Variants in ANKS1B observed in about 807,000 individuals in gnomAD.
ANKS1B encodes the protein ankyrin repeat and sterile alpha motif domain-containing protein 1B.
In ANKS1B, 36 loss-of-function variants were observed where a neutral mutation model predicts 148.3. The ratio of observed to expected loss-of-function variants is 0.24; its 90% CI spans 0.19 to 0.32. The LOEUF is 0.32. Among genes scored for constraint, ANKS1B ranks in the 10% least tolerant of loss-of-function variants. The pLI is 1.00. For missense variants in ANKS1B, 1,157 were observed against 1,542.6 expected (o/e 0.75, Z 4.19); for synonymous variants, 542 against 560.8 (o/e 0.97, Z 0.47).
intron 11 of ANKS1B, among the ~76,000 whole-genome samples, chr12:99,409,516 G>T (rs2094620054): frequency 6.6e-6 from 1 of 151,818 alleles, no homozygotes; most frequent in East Asian, 1.9e-4. Context: ...CTGAATTATG[G>T]GTAATACAAA....
intron 12 of ANKS1B, among the ~76,000 whole-genome samples, chr12:99,270,912 C>T (rs148394522): frequency 1.7e-4 from 26 of 152,150 alleles, no homozygotes; most frequent in East Asian, 1.2e-3. Context: ...AGCACATTAA[C>T]GATTTCACAG....
At chr12:99,443,609 T>A (rs1000525520) in intron 11 of ANKS1B, 64 bp downstream of exon 11, 1 of 1,540,884 alleles carries the variant, frequency 6.5e-7, no homozygotes, top group South Asian at 1.2e-5. Context: ...ATATAAGTGA[T>A]GTACATGCAT....
chr12:99,386,782 C>T (rs1320626786), intron 12 of ANKS1B, among the ~76,000 whole-genome samples: 1 of 152,162 alleles, frequency 6.6e-6, no homozygotes, highest in Non-Finnish European at 1.5e-5. Context: ...CAAAAACTTA[C>T]ATTAAAAATG....
chr12:99,599,551 A>G (rs1312549008), intron 9 of ANKS1B, among the ~76,000 whole-genome samples: 1 of 152,148 alleles, frequency 6.6e-6, no homozygotes, highest in African/African-American at 2.4e-5. Flanking sequence ...AGTAGAAGGC[A>G]AGAGATTATT....
intron 15 of ANKS1B, among the ~76,000 whole-genome samples, chr12:99,144,296 G>A (rs973929330): frequency 6.6e-6 from 1 of 152,012 alleles, no homozygotes; most frequent in Non-Finnish European, 1.5e-5. Context: ...TGGAAAGAGT[G>A]TAGGGCTAGA....
chr12:99,788,181 A>T (rs2065204061), intron 4 of ANKS1B, among the ~76,000 whole-genome samples: 1 of 152,292 alleles, frequency 6.6e-6, no homozygotes, highest in Middle Eastern at 3.4e-3. Context: ...TCCTCCACCA[A>T]CCTCAGGCAG....
At chr12:99,863,328 T>A (rs193094019) in intron 1 of ANKS1B, among the ~76,000 whole-genome samples, 26 of 152,312 alleles carry the variant, frequency 1.7e-4, no homozygotes, top group Admixed American at 5.2e-4. Context: ...ACCACTTGAC[T>A]TTTTCCCTGT....
rs544151337 is a variant in ANKS1B at position 98,834,522 on chromosome 12, G to A, written c.2779-2386C>T. Among the ~76,000 whole-genome samples, 11 of 152,288 alleles carry A rather than the reference G, an allele frequency of 7.2e-5. No individual in the cohort carries two copies. The East Asian group carries it at 2.1e-3, about 29-fold the overall frequency. ...CAAAGCCCTTTAATCTAGGAGGGAT[G>A]ATTTGAGTTATTTTTCCCTAAATTT... is the stretch of plus-strand genomic sequence containing the variant. On this transcript the variant is annotated intron_variant, in intron 17 of 26. Coordinates refer to ENST00000683438, the MANE Select transcript of ANKS1B (RefSeq NM_001352186.2).
intron 12 of ANKS1B, among the ~76,000 whole-genome samples, chr12:99,336,793 A>AT (rs1446520728): frequency 6.6e-6 from 1 of 151,930 alleles, no homozygotes; most frequent in Admixed American, 6.6e-5. Context: ...AGGGTAAAAG[A>AT]TTTTTTCCTT....
chr12:98,956,813 G>T (rs989396427), intron 17 of ANKS1B, among the ~76,000 whole-genome samples: 1 of 152,076 alleles, frequency 6.6e-6, no homozygotes, highest in East Asian at 1.9e-4. Context: ...CCTCATGAAA[G>T]TATACTTTCT....
At chr12:99,810,710 T>C (rs1043516828) in intron 3 of ANKS1B, among the ~76,000 whole-genome samples, 1 of 152,014 alleles carries the variant, frequency 6.6e-6, no homozygotes, top group Non-Finnish European at 1.5e-5. Flanking sequence ...CTTTAAAACA[T>C]ATAGCAACTT....
chr12:99,589,622 T>C (rs1381328336), intron 9 of ANKS1B, among the ~76,000 whole-genome samples: 7 of 152,190 alleles, frequency 4.6e-5, no homozygotes, highest in African/African-American at 1.4e-4. Flanking sequence ...TTAAAAAAGA[T>C]ACTAACCTCT....
At chr12:98,974,810 T>A (rs2099889987) in intron 17 of ANKS1B, among the ~76,000 whole-genome samples, 1 of 152,148 alleles carries the variant, frequency 6.6e-6, no homozygotes, top group Non-Finnish European at 1.5e-5. Flanking sequence ...CTTCTTGCCT[T>A]CTTGTCTCCT....
intron 8 of ANKS1B, among the ~76,000 whole-genome samples, chr12:99,723,432 G>A (rs2058302310): frequency 6.6e-6 from 1 of 152,098 alleles, no homozygotes; most frequent in South Asian, 2.1e-4. Context: ...TCCTCACTGG[G>A]AGGGGCCTCC....
intron 15 of ANKS1B, among the ~76,000 whole-genome samples, chr12:99,147,931 G>A (rs1472526761): frequency 5.9e-5 from 9 of 151,978 alleles, no homozygotes. Context: ...GCAGGGGGCA[G>A]GGAACTGGTA....
At chr12:99,239,224 T>C (rs1174732999) in intron 14 of ANKS1B, among the ~76,000 whole-genome samples, 1 of 152,186 alleles carries the variant, frequency 6.6e-6, no homozygotes, top group Admixed American at 6.5e-5. Flanking sequence ...AGACTTTAAA[T>C]GACCTGATGG....
intron 9 of ANKS1B, among the ~76,000 whole-genome samples, chr12:99,620,894 A>G (rs1028480361): frequency 2.2e-4 from 33 of 152,288 alleles, no homozygotes; most frequent in African/African-American, 7.9e-4. Flanking sequence ...ATCTGGATAG[A>G]AGAAACCCAG....
At chr12:99,784,659 G>A (rs969157759) in intron 4 of ANKS1B, among the ~76,000 whole-genome samples, 4 of 152,048 alleles carry the variant, frequency 2.6e-5, no homozygotes, top group Admixed American at 6.5e-5. Context: ...ATACTTCTGG[G>A]CCCCATCCCC....
At chr12:99,350,331 G>A (rs2091267465) in intron 12 of ANKS1B, among the ~76,000 whole-genome samples, 1 of 151,936 alleles carries the variant, frequency 6.6e-6, no homozygotes, top group South Asian at 2.1e-4. Flanking sequence ...AATTATACAG[G>A]CTCAGGTATT....
Sources: allele counts gnomAD v4.1 joint callset (sites outside exome capture counted in the v4.1 genomes callset), GRCh38; gene constraint gnomAD v4.1.1; transcripts MANE v1.5; gene names NCBI Gene and HGNC (gene_info 2026-07-23, HGNC 2026-07-21).